The following NCALD variants were observed in gnomAD, a reference collection of about 807,000 sequenced individuals.
The protein encoded by NCALD is neurocalcin delta.
A neutral mutation model predicts 18.6 loss-of-function variants in NCALD; 10 were observed. The ratio of observed to expected loss-of-function variants is 0.54; its 90% CI spans 0.33 to 0.91. The LOEUF (loss-of-function observed/expected upper bound fraction) is 0.91, where lower values mean the gene tolerates loss of function less well. NCALD is among the 40% of genes least tolerant of loss of function. NCALD has a pLI of 0.03. For missense variants in NCALD, 184 were observed against 247.6 expected (o/e 0.74, Z 1.72); for synonymous variants, 88 against 87.4 (o/e 1.01, Z -0.04).
intron 1 of NCALD, among the ~76,000 whole-genome samples, chr8:102,049,173 T>C (rs1004671466): frequency 3.3e-5 from 5 of 152,114 alleles, no homozygotes; most frequent in African/African-American, 1.2e-4. Flanking sequence ...TATCCATAGG[T>C]CCGCATCTGC....
At chr8:101,859,368 G>A (rs950286720) in intron 4 of NCALD, among the ~76,000 whole-genome samples, 6 of 152,104 alleles carry the variant, frequency 3.9e-5, no homozygotes, top group East Asian at 3.9e-4. Context: ...GTTGCTCCTC[G>A]GCTTGCAGAC....
rs551974490 is a variant in NCALD, at chr8:101,871,967, C to T, written c.-20+15174G>A. 23 of 771,686 alleles carry T rather than the reference C, an allele frequency of 3.0e-5. No individual in the cohort carries two copies. In the African/African-American group the frequency reaches 3.4e-4, roughly 11 times the overall value. 47.8% of individuals were successfully genotyped at this position (771,686 alleles called of 1,614,324 possible). ...GCTCTAGATTCAGACAGTTTCCACC[C>T]CAACTCATCTCTGGTCAGGTTCATG... On this transcript the variant is annotated intron_variant, in intron 4 of 6. Transcript: ENST00000311028.
intron 2 of NCALD, among the ~76,000 whole-genome samples, chr8:101,947,084 C>G (rs1433327186): frequency 2.6e-5 from 4 of 152,088 alleles, no homozygotes; most frequent in African/African-American, 9.7e-5. Context: ...AGAATTGTAA[C>G]AGGAGATGGA....
chr8:101,844,576 G>A (rs1814788411), intron 4 of NCALD, among the ~76,000 whole-genome samples: 1 of 151,944 alleles, frequency 6.6e-6, no homozygotes, highest in African/African-American at 2.4e-5. Flanking sequence ...GCCACAGCTG[G>A]TCTCAAACTG....
intron 3 of NCALD, among the ~76,000 whole-genome samples, chr8:101,898,960 A>G (rs1037559286): frequency 2.6e-5 from 4 of 152,090 alleles, no homozygotes; most frequent in African/African-American, 9.7e-5. Context: ...TTGAATCTGA[A>G]TATCATTTTG....
intron 2 of NCALD, among the ~76,000 whole-genome samples, chr8:101,989,576 G>A (rs1820964440): frequency 1.3e-5 from 2 of 152,208 alleles, no homozygotes; most frequent in African/African-American, 4.8e-5. Flanking sequence ...TAAAAACCCA[G>A]AACACTGACT....
chr8:102,005,945 G>A (rs1821691378), intron 2 of NCALD, among the ~76,000 whole-genome samples: 1 of 151,506 alleles, frequency 6.6e-6, no homozygotes, highest in Non-Finnish European at 1.5e-5. Flanking sequence ...CGAGTTAATG[G>A]GTGCAGCACA....
intron 1 of NCALD, among the ~76,000 whole-genome samples, chr8:101,727,582 G>C (rs1244284274): frequency 3.3e-5 from 5 of 152,200 alleles, no homozygotes; most frequent in Non-Finnish European, 7.3e-5. Context: ...TCTGGATCAA[G>C]GAATTCTCCT....
intron 1 of NCALD, among the ~76,000 whole-genome samples, chr8:101,754,426 T>C (rs1437157217): frequency 6.6e-6 from 1 of 152,086 alleles, no homozygotes; most frequent in African/African-American, 2.4e-5. Flanking sequence ...TTCTGGAGAC[T>C]GGGAAGTCCA....
At chr8:102,022,123 C>T (rs547918602) in intron 1 of NCALD, among the ~76,000 whole-genome samples, 48 of 152,242 alleles carry the variant, frequency 3.2e-4, no homozygotes, top group Non-Finnish European at 5.9e-4. Flanking sequence ...GCAGGTGCCT[C>T]CCATTGGCCA....
At chr8:101,713,338 T>G (rs1172955105) in intron 2 of NCALD, among the ~76,000 whole-genome samples, 2 of 151,858 alleles carry the variant, frequency 1.3e-5, no homozygotes, top group African/African-American at 4.8e-5. Flanking sequence ...ATATCTAAAA[T>G]TGACACCCTA....
chr8:101,864,078 A>G (rs931634013), intron 4 of NCALD, among the ~76,000 whole-genome samples: 4 of 152,208 alleles, frequency 2.6e-5, no homozygotes, highest in Admixed American at 2.6e-4. Flanking sequence ...CCTTGTAATC[A>G]GATAGTATTA....
At position 101,989,005 on chromosome 8, in the gene NCALD, G is replaced by C. The variant is rs111996908; in HGVS notation, c.-157+31232C>G. On this transcript the variant is annotated intron_variant, in intron 2 of 6. Transcript: ENST00000311028. ...AGCAAGTGCAGCCTGAGTCAGGATT[G>C]AAAAGGAGAGGACTGGAGTTTTAAG... is the stretch of plus-strand genomic sequence containing the variant. Among the ~76,000 whole-genome samples the C allele has an allele frequency of 4.4e-3, 670 of 151,826 alleles. 2 individuals carry two copies. Among genetic ancestry groups the C allele is most frequent in the African/African-American group, 0.014 (593 of 41,382 alleles).
intron 1 of NCALD, among the ~76,000 whole-genome samples, chr8:102,122,497 G>A (rs1825972405): frequency 6.6e-6 from 1 of 152,192 alleles, no homozygotes; most frequent in Non-Finnish European, 1.5e-5. Flanking sequence ...CAGGCAAGAA[G>A]TGCTGAGAAT....
At position 101,999,207 on chromosome 8, in the gene NCALD, T is replaced by C. The variant is rs149505690; in HGVS notation, c.-157+21030A>G. On this transcript the variant is annotated intron_variant, in intron 2 of 6. Transcript: ENST00000311028. ...CATGAAAAAGATACTTGCACACATATGTTTATACCAGCACAATTCACAATT... is the reference window on the plus strand; with the variant it reads ...CATGAAAAAGATACTTGCACACATACGTTTATACCAGCACAATTCACAATT... Among the ~76,000 whole-genome samples, 258 of 152,076 alleles carry C rather than the reference T, an allele frequency of 1.7e-3. 1 individual carries two copies. The highest frequency in any genetic ancestry group is 6.0e-3 in the African/African-American group (250 of 41,488).
chr8:101,800,437 A>G (rs1451650225), intron 4 of NCALD, among the ~76,000 whole-genome samples: 2 of 152,066 alleles, frequency 1.3e-5, no homozygotes, highest in Admixed American at 6.6e-5. Context: ...AATTTTAAAA[A>G]TTACTTGATT....
intron 2 of NCALD, among the ~76,000 whole-genome samples, chr8:101,932,546 C>T (rs1296323106): frequency 6.6e-6 from 1 of 152,116 alleles, no homozygotes; most frequent in Non-Finnish European, 1.5e-5. Flanking sequence ...GACTTTCTTT[C>T]CATTTTTTTC....
chr8:102,082,224 C>CTTTTTTTTTTTTTTT (rs1362023921), intron 1 of NCALD, among the ~76,000 whole-genome samples: 5 of 109,478 alleles, frequency 4.6e-5, no homozygotes, highest in African/African-American at 1.9e-4. Flanking sequence ...GAGAAGCTCT[C>CTTTTTTTTTTTTTTT]TCTTTTTTTT....
intron 3 of NCALD, among the ~76,000 whole-genome samples, chr8:101,900,405 A>G (rs977950712): frequency 4.0e-5 from 6 of 151,470 alleles, no homozygotes; most frequent in Admixed American, 3.3e-4. Context: ...CTCTTTTTCT[A>G]GTTTCTTAAA....
Sources: gnomAD v4.1 joint callset for allele counts (sites outside exome capture counted in the v4.1 genomes callset) on GRCh38, gnomAD v4.1.1 for gene constraint, MANE v1.5 for transcripts, NCBI Gene and HGNC (gene_info 2026-07-23, HGNC 2026-07-21) for gene names.